The following INPP4B variants were observed in gnomAD, a reference collection of about 807,000 sequenced individuals.
INPP4B encodes inositol polyphosphate 4-phosphatase type II.
A neutral mutation model predicts 122.5 loss-of-function variants in INPP4B; 55 were observed. The observed-to-expected ratio is 0.45, with a 90% CI of 0.36 to 0.56. The LOEUF is 0.56. Among genes scored for constraint, INPP4B ranks in the 20% least tolerant of loss-of-function variants. The pLI is 0.00. For missense variants in INPP4B, 1,000 were observed against 1,097.7 expected (o/e 0.91, Z 1.26); for synonymous variants, 403 against 388.7 (o/e 1.04, Z -0.43).
chr4:142,241,425 T>A (rs1017660593), intron 11 of INPP4B, among the ~76,000 whole-genome samples: 4 of 152,200 alleles, frequency 2.6e-5, no homozygotes, highest in African/African-American at 9.6e-5. Flanking sequence ...CCCCTTGAGA[T>A]GAACACATAG....
chr4:142,217,474 A>G (rs1419522702), intron 12 of INPP4B, among the ~76,000 whole-genome samples: 1 of 152,184 alleles, frequency 6.6e-6, no homozygotes, highest in African/African-American at 2.4e-5. Context: ...GACTAACCCT[A>G]GAGTATAGTG....
rs767606020 is a variant in INPP4B, at chr4:142,314,736, A to T, written c.399T>A (p.His133Gln). The T allele has an allele frequency of 6.2e-7, 1 of 1,600,476 alleles. No individual in the cohort carries two copies. The highest frequency in any genetic ancestry group is 1.3e-5 in the African/African-American group (1 of 74,484). The change falls in exon 8 of 26, where the codon CAT becomes CAA. Residue 133 changes from histidine to glutamine, a missense_variant. His to Gln is a conservative substitution (Grantham distance 24). Coordinates refer to ENST00000262992, the MANE Select transcript of INPP4B (RefSeq NM_001101669.3). The stretch of plus-strand genomic sequence containing the variant: ...CCCCAACTTCTGGCGGGGGATCCTT[A>T]TGTTCTGGTAGGACACTGGTTCGAA... ...DTVRTSVLPEHKDPPPEVGRS... is the reference protein window; with the variant it reads ...DTVRTSVLPEQKDPPPEVGRS...
intron 2 of INPP4B, among the ~76,000 whole-genome samples, chr4:142,608,543 T>C (rs980377730): frequency 6.6e-6 from 1 of 152,146 alleles, no homozygotes; most frequent in Non-Finnish European, 1.5e-5. Flanking sequence ...CTCTACTGTA[T>C]TGCCAATGCC....
At chr4:142,194,866 T>C (rs1837488460) in intron 14 of INPP4B, among the ~76,000 whole-genome samples, 1 of 152,212 alleles carries the variant, frequency 6.6e-6, no homozygotes, top group African/African-American at 2.4e-5. Context: ...TCTACGATTA[T>C]TATTTTCTGT....
chr4:142,124,854 G>T (rs1277818508), intron 18 of INPP4B, 94 bp from the exon 19 acceptor site: 5 of 941,438 alleles, frequency 5.3e-6, no homozygotes, highest in African/African-American at 3.4e-5. Flanking sequence ...TAATTTTTCA[G>T]TAAGTTAGAC....
intron 7 of INPP4B, among the ~76,000 whole-genome samples, chr4:142,401,393 G>A (rs977757511): frequency 6.6e-6 from 1 of 152,056 alleles, no homozygotes; most frequent in African/African-American, 2.4e-5. Flanking sequence ...GAAAGGAAAA[G>A]ACAAAACTCC....
At chr4:142,481,042 G>T (rs183515349) in intron 2 of INPP4B, among the ~76,000 whole-genome samples, 2 of 150,706 alleles carry the variant, frequency 1.3e-5, no homozygotes, top group African/African-American at 4.9e-5. Flanking sequence ...GGCTGAGGCA[G>T]GAGAATCACT....
At chr4:142,368,392 G>A (rs1181960495) in intron 7 of INPP4B, among the ~76,000 whole-genome samples, 1 of 151,732 alleles carries the variant, frequency 6.6e-6, no homozygotes, top group Non-Finnish European at 1.5e-5. Context: ...AACTTTTTGG[G>A]CAATGGCATC....
chr4:142,297,286 C>G (rs1188147147), intron 9 of INPP4B, among the ~76,000 whole-genome samples: 1 of 152,164 alleles, frequency 6.6e-6, no homozygotes, highest in East Asian at 1.9e-4. Flanking sequence ...GGTAAGCACG[C>G]CTTCCTTGGA....
chr4:142,806,278 CAAAAAAAAA>C (rs1175185594), intron 1 of INPP4B, among the ~76,000 whole-genome samples: 2,569 of 53,572 alleles, frequency 0.048, 84 homozygotes, highest in African/African-American at 0.17. Flanking sequence ...GACTCCGTCT[CAAAAAAAAA>C]AAAAAAAAAA....
chr4:142,254,892 C>T (rs1036585857), intron 11 of INPP4B, among the ~76,000 whole-genome samples: 1 of 151,176 alleles, frequency 6.6e-6, no homozygotes, highest in African/African-American at 2.4e-5. Context: ...AACTCCAAGA[C>T]ACATAATTGT....
At chr4:142,786,139 C>T (rs1775729306) in intron 1 of INPP4B, among the ~76,000 whole-genome samples, 1 of 152,090 alleles carries the variant, frequency 6.6e-6, no homozygotes. Context: ...TGATTTCTAA[C>T]ACCAGTCTCA....
chr4:142,290,565 T>A (rs1292375330), intron 9 of INPP4B, among the ~76,000 whole-genome samples: 1 of 152,184 alleles, frequency 6.6e-6, no homozygotes, highest in Non-Finnish European at 1.5e-5. Flanking sequence ...CTCATTGGAC[T>A]TTTTACTGTT....
At chr4:142,469,132 C>A (rs1211172222) in intron 2 of INPP4B, among the ~76,000 whole-genome samples, 3 of 149,538 alleles carry the variant, frequency 2.0e-5, no homozygotes, top group African/African-American at 4.9e-5. Flanking sequence ...AACAGAAAAA[C>A]TGTAAAAAAA....
chr4:142,392,077 G>C (rs1797877413), intron 7 of INPP4B, among the ~76,000 whole-genome samples: 1 of 152,146 alleles, frequency 6.6e-6, no homozygotes, highest in African/African-American at 2.4e-5. Flanking sequence ...GAGAATATCA[G>C]AGAAAGACTG....
chr4:142,773,384 A>T (rs965696994), intron 1 of INPP4B, among the ~76,000 whole-genome samples: 3 of 152,172 alleles, frequency 2.0e-5, no homozygotes, highest in Non-Finnish European at 4.4e-5. Flanking sequence ...TTTTCTACTT[A>T]CCATGTACTC....
At position 142,720,764 on chromosome 4, in the gene INPP4B, T is replaced by C. The variant is rs1200591474; in HGVS notation, c.-191+5075A>G. ...TATATATATACATATATATATAATC[T>C]CTCTCTCTCTCTCTCTCTCTCTCTC... On this transcript the variant is annotated intron_variant, in intron 2 of 25. Transcript: ENST00000262992. 1.6e-4 allele frequency among the ~76,000 whole-genome samples: 2 copies of C among 12,282 alleles called. 1 individual carries two copies. The highest frequency in any genetic ancestry group is 6.9e-3 in the South Asian group (2 of 288). 8.1% of individuals were successfully genotyped at this position (12,282 alleles called of 152,430 possible).
chr4:142,541,996 C>T (rs145772112), intron 2 of INPP4B, among the ~76,000 whole-genome samples: 1 of 152,258 alleles, frequency 6.6e-6, no homozygotes, highest in Non-Finnish European at 1.5e-5. Flanking sequence ...ATACTGCTTC[C>T]CTGTGAACAG....
intron 2 of INPP4B, among the ~76,000 whole-genome samples, chr4:142,666,461 CAA>C (rs1756087360): frequency 6.6e-6 from 1 of 151,884 alleles, no homozygotes; most frequent in South Asian, 2.1e-4. Flanking sequence ...TGTGAGTTAA[CAA>C]ATATTTATTT....
Sources: gnomAD v4.1 joint callset for allele counts (sites outside exome capture counted in the v4.1 genomes callset) on GRCh38, gnomAD v4.1.1 for gene constraint, MANE v1.5 for transcripts, NCBI Gene and HGNC (gene_info 2026-07-23, HGNC 2026-07-21) for gene names.